CHCHD6: variants seen among roughly 807,000 people sequenced by gnomAD.
CHCHD6 encodes MICOS complex subunit MIC25.
A neutral mutation model predicts 32.3 loss-of-function variants in CHCHD6; 28 were observed. That is an observed-to-expected ratio of 0.87 (90% CI 0.64 to 1.19). CHCHD6 has a LOEUF of 1.19. CHCHD6 is among the 50% of genes most tolerant of loss of function. The pLI is 0.00. For synonymous variants in CHCHD6, 122 were observed against 117.5 expected (o/e 1.04, Z -0.25); for missense variants, 333 against 307.0 (o/e 1.08, Z -0.63).
At chr3:126,889,331 G>A (rs1180587490) in intron 5 of CHCHD6, among the ~76,000 whole-genome samples, 1 of 152,178 alleles carries the variant, frequency 6.6e-6, no homozygotes, top group Non-Finnish European at 1.5e-5. Flanking sequence ...GGCTGCCCTG[G>A]AGGCTGCAGA....
chr3:126,739,945 G>C (rs1936218443), intron 4 of CHCHD6, among the ~76,000 whole-genome samples: 1 of 152,194 alleles, frequency 6.6e-6, no homozygotes, highest in Non-Finnish European at 1.5e-5. Context: ...TCATATGCAG[G>C]AGACCAGTAG....
chr3:126,752,251 C>T (rs1208534849), intron 4 of CHCHD6, among the ~76,000 whole-genome samples: 6 of 152,166 alleles, frequency 3.9e-5, no homozygotes, highest in African/African-American at 9.7e-5. Flanking sequence ...CCCTGGGAAA[C>T]GGTTTTCTCC....
chr3:126,900,175 A>G (rs1453824190), intron 5 of CHCHD6, among the ~76,000 whole-genome samples: 2 of 152,200 alleles, frequency 1.3e-5, no homozygotes, highest in Non-Finnish European at 2.9e-5. Context: ...TTTCCTTGAC[A>G]TTAAGCTCAG....
chr3:126,824,164 A>G (rs1940277210), intron 4 of CHCHD6, among the ~76,000 whole-genome samples: 1 of 152,120 alleles, frequency 6.6e-6, no homozygotes, highest in East Asian at 1.9e-4. Flanking sequence ...TTTCATCATT[A>G]ATTATGTTGT....
chr3:126,918,542 G>A (rs1019219362), intron 6 of CHCHD6, among the ~76,000 whole-genome samples: 1 of 152,252 alleles, frequency 6.6e-6, no homozygotes, highest in Admixed American at 6.5e-5. Context: ...ATAGCAATGA[G>A]TGCCATGAAA....
chr3:126,779,287 C>G (rs770776347), intron 4 of CHCHD6, among the ~76,000 whole-genome samples: 1 of 151,886 alleles, frequency 6.6e-6, no homozygotes, highest in Non-Finnish European at 1.5e-5. Flanking sequence ...GCCTGTAATC[C>G]GAGCACTTTG....
At chr3:126,863,520 C>CTCT (rs1942054875) in intron 5 of CHCHD6, among the ~76,000 whole-genome samples, 4 of 140,988 alleles carry the variant, frequency 2.8e-5, no homozygotes, top group Non-Finnish European at 4.6e-5. Flanking sequence ...CCTCCTCCTC[C>CTCT]ACCATCACCA....
chr3:126,796,164 G>A (rs1938782112), intron 4 of CHCHD6, among the ~76,000 whole-genome samples: 1 of 152,118 alleles, frequency 6.6e-6, no homozygotes, highest in African/African-American at 2.4e-5. Context: ...GGGCACCATA[G>A]TGAGAACCCC....
At chr3:126,741,291 A>G (rs1936277944) in intron 4 of CHCHD6, among the ~76,000 whole-genome samples, 1 of 151,816 alleles carries the variant, frequency 6.6e-6, no homozygotes, top group East Asian at 1.9e-4. Flanking sequence ...ACTTCCACCC[A>G]TGTCTCCATG....
At chr3:126,753,566 C>T (rs1936822678) in intron 4 of CHCHD6, among the ~76,000 whole-genome samples, 1 of 152,202 alleles carries the variant, frequency 6.6e-6, no homozygotes. Context: ...TTTGTCTCAA[C>T]CTTATTGGGA....
chr3:126,820,478 C>T lies in CHCHD6; in HGVS notation c.412-32169C>T, dbSNP rs369653355. Among the ~76,000 whole-genome samples the T allele has an allele frequency of 4.9e-4, 75 of 152,270 alleles. 1 individual carries two copies. In the South Asian group the frequency reaches 0.014, roughly 29 times the overall value. On this transcript the variant is annotated intron_variant, in intron 4 of 7. Transcript: ENST00000290913. Reference sequence around the variant, plus strand: ...TCTGTGGACTTGGAAGAATACAGGACAGTGTTCCTGGCTTTCTGGTTTTTC... The same window carrying T: ...TCTGTGGACTTGGAAGAATACAGGATAGTGTTCCTGGCTTTCTGGTTTTTC...
At chr3:126,725,888 T>C (rs1935511170) in intron 1 of CHCHD6, among the ~76,000 whole-genome samples, 1 of 152,234 alleles carries the variant, frequency 6.6e-6, no homozygotes, top group Non-Finnish European at 1.5e-5. Context: ...AGAGAGAGCC[T>C]TGGGCTTGAT....
intron 5 of CHCHD6, among the ~76,000 whole-genome samples, chr3:126,900,211 C>T (rs970465537): frequency 6.6e-6 from 1 of 152,178 alleles, no homozygotes; most frequent in African/African-American, 2.4e-5. Context: ...GAGACCTGAT[C>T]TTAACCCTAG....
At chr3:126,759,223 C>T (rs1316458038) in intron 4 of CHCHD6, among the ~76,000 whole-genome samples, 2 of 152,226 alleles carry the variant, frequency 1.3e-5, no homozygotes, top group African/African-American at 4.8e-5. Flanking sequence ...CCAGAGTGTT[C>T]TTCAGGCCTC....
chr3:126,846,540 A>G (rs1941301933), intron 4 of CHCHD6, among the ~76,000 whole-genome samples: 2 of 152,242 alleles, frequency 1.3e-5, no homozygotes, highest in Admixed American at 1.3e-4. Context: ...GTCAAAGAAA[A>G]GATTTTGGAA....
At chr3:126,881,225 G>A (rs1012597053) in intron 5 of CHCHD6, among the ~76,000 whole-genome samples, 9 of 152,354 alleles carry the variant, frequency 5.9e-5, no homozygotes, top group Middle Eastern at 3.4e-3. Context: ...GTTCCTGAAT[G>A]CAAAATACAA....
At chr3:126,793,670 T>C (rs778095290) in intron 4 of CHCHD6, among the ~76,000 whole-genome samples, 2 of 152,224 alleles carry the variant, frequency 1.3e-5, no homozygotes, top group Non-Finnish European at 2.9e-5. Context: ...TCTTTCTTCA[T>C]TCCAAACATG....
At chr3:126,904,766 T>A (rs1449109159) in intron 5 of CHCHD6, among the ~76,000 whole-genome samples, 1 of 152,184 alleles carries the variant, frequency 6.6e-6, no homozygotes, top group Non-Finnish European at 1.5e-5. Flanking sequence ...ATGCCAATAC[T>A]TCTGGGAAGG....
chr3:126,956,936 A>T (rs570434371), intron 6 of CHCHD6: 1 of 163,908 alleles, frequency 6.1e-6, no homozygotes, highest in African/African-American at 2.4e-5. Context: ...TCACATGGTT[A>T]TAGTCACGGG....
Sources: allele counts gnomAD v4.1 joint callset (sites outside exome capture counted in the v4.1 genomes callset), GRCh38; gene constraint gnomAD v4.1.1; transcripts MANE v1.5; gene names NCBI Gene and HGNC (gene_info 2026-07-23, HGNC 2026-07-21).